POLD1: variants seen among roughly 807,000 people sequenced by gnomAD.
POLD1 encodes DNA polymerase delta 1, catalytic subunit.
POLD1 carries 79 observed loss-of-function variants against 129.7 expected under a neutral mutation model. The observed-to-expected ratio is 0.61, with a 90% CI of 0.51 to 0.73. The LOEUF is 0.73. POLD1 is among the 30% of genes least tolerant of loss of function. The pLI is 0.00. For synonymous variants in POLD1, 714 were observed against 683.3 expected, an observed-to-expected ratio of 1.04 and a Z score of -0.70; for missense variants, 1,338 against 1,595.8, an observed-to-expected ratio of 0.84 and a Z score of 2.75.
intron 1 of POLD1, among the ~76,000 whole-genome samples, chr19:50,395,579 G>A (rs1051539970): frequency 8.4e-5 from 12 of 143,506 alleles, no homozygotes; most frequent in Non-Finnish European, 1.6e-4. Context: ...GCGAGACTCC[G>A]TCTCCAAAAA....
chr19:50,410,522 C>T (rs1184666723), intron 17 of POLD1, among the ~76,000 whole-genome samples: 1 of 152,024 alleles, frequency 6.6e-6, no homozygotes, highest in Non-Finnish European at 1.5e-5. Flanking sequence ...CAGTGATTCA[C>T]TAGAAGTACT....
At chr19:50,411,612 G>A (rs530737746) in intron 17 of POLD1, among the ~76,000 whole-genome samples, 16 of 152,284 alleles carry the variant, frequency 1.1e-4, no homozygotes, top group African/African-American at 2.6e-4. Flanking sequence ...AGGCCGAGGC[G>A]GGCGGATCAC....
At chr19:50,397,954 G>C (rs2546561) in intron 1 of POLD1, among the ~76,000 whole-genome samples, 4,684 of 152,218 alleles carry the variant, frequency 0.031, 243 homozygotes, top group African/African-American at 0.11. Context: ...ATTCCTTATT[G>C]TTAGGCACTA....
chr19:50,400,211 A>ATTTTTTTTT (rs549820323), intron 3 of POLD1, among the ~76,000 whole-genome samples: 6 of 67,810 alleles, frequency 8.8e-5, no homozygotes, highest in African/African-American at 4.1e-4. Context: ...CTGGCCAATA[A>ATTTTTTTTT]TTTTTTTTTT....
At chr19:50,417,354 A>C in intron 26 of POLD1, 85 bp downstream of exon 26, 1 of 852,154 alleles carries the variant, frequency 1.2e-6, no homozygotes, top group South Asian at 1.6e-5. Context: ...TCTGACTCCA[A>C]GGCCTCTCCT....
At chr19:50,393,786 C>T (rs796335290) in intron 1 of POLD1, among the ~76,000 whole-genome samples, 38 of 152,320 alleles carry the variant, frequency 2.5e-4, no homozygotes, top group African/African-American at 8.7e-4. Context: ...ACCCCATACT[C>T]CGTAAGCAGT....
rs1249502531 is a variant in POLD1 at position 50,415,551 on chromosome 19, A to G, written c.2678A>G (p.Asp893Gly). Residue 893 changes from aspartate to glycine, a missense_variant, in exon 21 of 27, where the codon GAC (aspartate) becomes GGC (glycine). Physicochemically the swap from Asp to Gly is moderately conservative, Grantham distance 94. Around this residue, in one of 3 missense-constraint regions of POLD1, gnomAD observed 720 missense variants for 1,002.6 expected, o/e 0.72. Coordinates refer to ENST00000440232, the MANE Select transcript of POLD1 (RefSeq NM_002691.4). The stretch of plus-strand genomic sequence containing the variant: ...AAGGAGCTGACCCGCGCGGCCTCCG[A>G]CTATGCCGGCAAGCAGGCCCACGTG... ...ITKELTRAAS[D>G]YAGKQAHVEL... The G allele has an allele frequency of 2.5e-5, 40 of 1,612,586 alleles. No individual in the cohort carries two copies. In the East Asian group the frequency reaches 8.7e-4, roughly 35 times the overall value.
At chr19:50,393,052 C>G (rs775302841) in intron 1 of POLD1, among the ~76,000 whole-genome samples, 2 of 152,290 alleles carry the variant, frequency 1.3e-5, no homozygotes, top group Admixed American at 1.3e-4. Context: ...ACGATGCTTC[C>G]GGAAATAACC....
At chr19:50,386,923 T>C (rs913667888) in intron 1 of POLD1, among the ~76,000 whole-genome samples, 1 of 152,164 alleles carries the variant, frequency 6.6e-6, no homozygotes, top group Non-Finnish European at 1.5e-5. Context: ...CCGGGCGCGG[T>C]GGCTAAGGCC....
chr19:50,411,839 CAA>C (rs34036962), intron 17 of POLD1, among the ~76,000 whole-genome samples: 6 of 129,654 alleles, frequency 4.6e-5, no homozygotes, highest in Non-Finnish European at 5.1e-5. Context: ...AACTCCGTCT[CAA>C]AAAAAAAAAA....
At chr19:50,416,336 C>T (rs1231649185) in intron 22 of POLD1, 60 bp from the exon 23 acceptor site, 2 of 1,529,496 alleles carry the variant, frequency 1.3e-6, no homozygotes, top group East Asian at 2.5e-5. Flanking sequence ...CATGACCACC[C>T]CGTGTCCACC....
Position 50,403,172 on chromosome 19 carries a change from C to T in POLD1, c.1090C>T (p.Leu364=), listed in dbSNP as rs2122271161. The T allele has an allele frequency of 6.4e-7, 1 of 1,562,482 alleles. No individual in the cohort carries two copies. The highest frequency in any genetic ancestry group is 8.7e-7 in the Non-Finnish European group (1 of 1,153,034). Residue 364 remains leucine (L), a synonymous_variant, in exon 9 of 27, where the codon CTG becomes TTG. Transcript: ENST00000440232. The part of the protein sequence containing the change: ...ALTLRPCAPI[L]GAKVQSYEKE... ...CACCCTGCGGCCCTGTGCCCCCATC[C>T]TGGGTGCCAAGGTGCAGAGCTACGA...
chr19:50,403,451 C>A, intron 9 of POLD1, 42 bp from the exon 10 acceptor site: 1 of 1,433,428 alleles, frequency 7.0e-7, no homozygotes, highest in Non-Finnish European at 9.8e-7. Context: ...GAATCCGAGG[C>A]AGGGCAACCA....
In POLD1 at chr19:50,417,080, G is replaced by C. The variant is rs879254134; in HGVS notation, c.3103G>C (p.Glu1035Gln). The C allele has an allele frequency of 8.4e-6, 13 of 1,556,158 alleles. No homozygotes were observed. In the African/African-American group the frequency reaches 1.5e-4, roughly 18 times the overall value. Residue 1035 changes from glutamate (E) to glutamine (Q), a missense_variant, in exon 25 of 27, where the codon GAG becomes CAG. Coordinates refer to ENST00000440232, the MANE Select transcript of POLD1 (RefSeq NM_002691.4). ...TGAGTTCTGCCAGCCCCGGGAGTCT[G>C]AGCTGTATCAGAAGGAGGTGAGAGG... is the stretch of plus-strand genomic sequence containing the variant. ...VCEFCQPRES[E>Q]LYQKEVSHLN...
At position 50,413,406 on chromosome 19, in the gene POLD1, C is replaced by T; in HGVS notation, c.2155-20C>T. 6.2e-7 allele frequency: 1 copy of T among 1,607,738 alleles called. No homozygotes were observed. Among genetic ancestry groups the T allele is most frequent in the Non-Finnish European group, 8.5e-7 (1 of 1,175,846 alleles). The stretch of plus-strand genomic sequence containing the variant: ...ACATGGCCCCCAGGGCTTCACTCCG[C>T]ATGATTCTCTCCCCGACAGAGCGTC... On this transcript the variant is annotated intron_variant, in intron 17 of 26. Transcript: ENST00000440232.
chr19:50,408,651 G>A, intron 14 of POLD1, 134 bp from the exon 15 acceptor site: 1 of 1,354,412 alleles, frequency 7.4e-7, no homozygotes, highest in African/African-American at 1.5e-5. Flanking sequence ...CCAATGTGCT[G>A]GGATTGCAGG....
intron 18 of POLD1, 108 bp from the exon 19 acceptor site, chr19:50,413,634 T>G: frequency 2.0e-6 from 3 of 1,532,498 alleles, no homozygotes; most frequent in Non-Finnish European, 8.9e-7. Flanking sequence ...CCCACTCTCC[T>G]GTTGCATCCT....
rs1400257948 is a variant in POLD1, at chr19:50,403,189, G to C, written c.1107G>C (p.Gln369His). The C allele has an allele frequency of 3.8e-6, 6 of 1,561,812 alleles. No individual in the cohort carries two copies. The highest frequency in any genetic ancestry group is 5.2e-6 in the Non-Finnish European group (6 of 1,152,530). ...PCAPILGAKV[Q>H]SYEKEEDLLQ... is the part of the protein sequence containing the mutation. ...CCCCCATCCTGGGTGCCAAGGTGCA[G>C]AGCTACGAGAAGGAGGAGGACCTGC... Residue 369 changes from glutamine to histidine, a missense_variant, in exon 9 of 27, where the codon CAG becomes CAC. Physicochemically the swap from Gln to His is conservative, Grantham distance 24. Around this residue, in one of 3 missense-constraint regions of POLD1, gnomAD observed 720 missense variants for 1,002.6 expected, o/e 0.72. Transcript: ENST00000440232.
At chr19:50,397,181 T>C (rs936109971) in intron 1 of POLD1, among the ~76,000 whole-genome samples, 5 of 146,412 alleles carry the variant, frequency 3.4e-5, no homozygotes, top group East Asian at 2.1e-4. Context: ...GGTGGATCAC[T>C]TGAGGTCAGG....
Sources: gnomAD v4.1 joint callset for allele counts (sites outside exome capture counted in the v4.1 genomes callset) on GRCh38, gnomAD v4.1.1 for gene constraint, gnomAD v4.1.1 regional missense constraint, MANE v1.5 for transcripts, NCBI Gene and HGNC (gene_info 2026-07-23, HGNC 2026-07-21) for gene names.